Variants in LYRM2 observed in about 807,000 individuals in gnomAD.
The protein encoded by LYRM2 is LYR motif containing 2, also known as LYR motif-containing protein 2.
LYRM2 carries 8 observed loss-of-function variants against 11.6 expected under a neutral mutation model. The ratio of observed to expected loss-of-function variants is 0.69; its 90% CI spans 0.40 to 1.24. The LOEUF (loss-of-function observed/expected upper bound fraction) is 1.24. Among genes scored for constraint, LYRM2 ranks in the 50% most tolerant of loss-of-function variants. The pLI is 0.01. For synonymous variants in LYRM2, 30 were observed against 36.4 expected, an observed-to-expected ratio of 0.83 and a Z score of 0.63; for missense variants, 117 against 102.9, an observed-to-expected ratio of 1.14 and a Z score of -0.59.
rs1807542051 is a variant in LYRM2 at position 89,632,245 on chromosome 6, A to G, written c.*5028T>C. 1 of 152,214 alleles carries G rather than the reference A, an allele frequency of 6.6e-6. No individual in the cohort carries two copies. The highest frequency in any genetic ancestry group is 2.1e-4 in the South Asian group (1 of 4,828). The allele number at this position is 152,214 out of a possible 1,614,324, so 9.4% of individuals were successfully genotyped here. A position where few individuals can be genotyped will look rare whatever the true frequency, so the allele number is the denominator to read the frequency against. On this transcript the variant is annotated 3_prime_UTR_variant, in exon 3 of 3. Transcript: ENST00000523377. ...CTCATTGAGCCAAAGAGAAGAAATG[A>G]TTTATTAACATGGGGACACCAAGAA...
At chr6:89,638,536 CA>C (rs1393822968) in intron 1 of LYRM2, 135 bp downstream of exon 1, 27 of 1,570,114 alleles carry the variant, frequency 1.7e-5, no homozygotes, top group Non-Finnish European at 2.3e-5. Context: ...CACCGCCCCG[CA>C]GGCATCGGGC....
rs551902574 is a variant in LYRM2, at chr6:89,632,406, A to G, written c.*4867T>C. 2.4e-4 allele frequency: 37 copies of G among 152,210 alleles called. No individual in the cohort carries two copies. The highest frequency in any genetic ancestry group is 7.7e-4 in the African/African-American group (32 of 41,530). The allele number at this position is 152,210 out of a possible 1,614,324, so 9.4% of individuals were successfully genotyped here. On this transcript the variant is annotated 3_prime_UTR_variant, in exon 3 of 3. Transcript: ENST00000523377. Reference sequence around the variant, plus strand: ...AGATATATGTCACTGTTACCTGAATATGGAATGAATTTGATGTTTTTTATT... The same window carrying G: ...AGATATATGTCACTGTTACCTGAATGTGGAATGAATTTGATGTTTTTTATT...
Position 89,632,871 on chromosome 6 carries a change from G to A in LYRM2, c.*4402C>T, listed in dbSNP as rs367945777. 7.9e-5 allele frequency: 12 copies of A among 152,196 alleles called. No homozygotes were observed. The highest frequency in any genetic ancestry group is 3.9e-4 in the Admixed American group (6 of 15,284). 9.4% of individuals were successfully genotyped at this position (152,196 alleles called of 1,614,324 possible). The stretch of plus-strand genomic sequence containing the variant: ...ATTCCTCAGTATACATCAATTTATT[G>A]AGAACTGCCTAATACTCAAGAAATT... On this transcript the variant is annotated 3_prime_UTR_variant, in exon 3 of 3. Coordinates refer to ENST00000523377, the MANE Select transcript of LYRM2 (RefSeq NM_020466.5).
chr6:89,638,731 C>T lies in LYRM2; in HGVS notation c.-15G>A, dbSNP rs952951099. 1.9e-6 allele frequency: 3 copies of T among 1,613,858 alleles called. No individual in the cohort carries two copies. The highest frequency in any genetic ancestry group is 2.5e-6 in the Non-Finnish European group (3 of 1,179,914). On this transcript the variant is annotated 5_prime_UTR_variant, in exon 1 of 3. Transcript: ENST00000523377. Reference sequence around the variant, plus strand: ...GAAGCAGCCATGTCCACCAGAGGTCCGCCGGAGCCTCAGCGCGCAGGAGCG... The same window carrying T: ...GAAGCAGCCATGTCCACCAGAGGTCTGCCGGAGCCTCAGCGCGCAGGAGCG...
intron 2 of LYRM2, 117 bp from the exon 3 acceptor site, chr6:89,637,470 G>C: frequency 1.4e-6 from 1 of 712,540 alleles, no homozygotes; most frequent in Non-Finnish European, 2.3e-6. Context: ...CTGCCTTTTA[G>C]AAAAGCTAAA....
chr6:89,638,011 T>A (rs2128295747), intron 1 of LYRM2, 129 bp from the exon 2 acceptor site: 3 of 946,494 alleles, frequency 3.2e-6, no homozygotes, highest in South Asian at 3.9e-5. Flanking sequence ...AAAGAAAAAC[T>A]TTTTTTTTTC....
Position 89,635,108 on chromosome 6 carries a change from C to T in LYRM2, c.*2165G>A, listed in dbSNP as rs1807958934. 6.6e-6 allele frequency: 1 copy of T among 152,236 alleles called. No homozygotes were observed. The highest frequency in any genetic ancestry group is 1.5e-5 in the Non-Finnish European group (1 of 68,048). 9.4% of individuals were successfully genotyped at this position (152,236 alleles called of 1,614,324 possible). ...TTCTTGGAGTCTGTGCTAGTTGAAT[C>T]TTGCAAATGCAAACCACATACGCTC... is the stretch of plus-strand genomic sequence containing the variant. On this transcript the variant is annotated 3_prime_UTR_variant, in exon 3 of 3. Transcript: ENST00000523377.
chr6:89,638,179 A>G (rs931499862), intron 1 of LYRM2: 1 of 739,698 alleles, frequency 1.4e-6, no homozygotes. Context: ...TCTCAAAAAG[A>G]TGTTTTAAAG....
In LYRM2 at chr6:89,637,189, A is replaced by T. The variant is rs1808028599; in HGVS notation, c.*84T>A. On this transcript the variant is annotated 3_prime_UTR_variant, in exon 3 of 3. Coordinates refer to ENST00000523377, the MANE Select transcript of LYRM2 (RefSeq NM_020466.5). ...AAATACTGTACATATAAATAGTAAG[A>T]CTGGGCTTTGTGTTGTCCATTGTTA... The T allele has an allele frequency of 1.4e-6, 1 of 718,738 alleles. No homozygotes were observed. The allele number at this position is 718,738 out of a possible 1,614,324, so 44.5% of individuals were successfully genotyped here.
intron 2 of LYRM2, 81 bp from the exon 3 acceptor site, chr6:89,637,434 A>T (rs1329509391): frequency 1.1e-6 from 1 of 915,752 alleles, no homozygotes; most frequent in African/African-American, 1.7e-5. Flanking sequence ...GTTAAAATCA[A>T]GAACCAATAC....
rs1377369214 is a variant in LYRM2 at position 89,633,539 on chromosome 6, A to C, written c.*3734T>G. On this transcript the variant is annotated 3_prime_UTR_variant, in exon 3 of 3. Coordinates refer to ENST00000523377, the MANE Select transcript of LYRM2 (RefSeq NM_020466.5). ...TTCAACAGCTGTGGGAAAAACTAAA[A>C]CACAGAAATACTGTACAGTATTAGT... The C allele has an allele frequency of 2.6e-5, 4 of 152,228 alleles. No individual in the cohort carries two copies. Among genetic ancestry groups the C allele is most frequent in the South Asian group, 2.1e-4 (1 of 4,830 alleles). The allele number at this position is 152,228 out of a possible 1,614,324, so 9.4% of individuals were successfully genotyped here.
intron 2 of LYRM2, 103 bp downstream of exon 2, chr6:89,637,639 C>G: frequency 2.8e-6 from 3 of 1,080,924 alleles, no homozygotes; most frequent in Non-Finnish European, 4.1e-6. Context: ...GATATACCAG[C>G]TCAGTGGCAC....
In LYRM2 at chr6:89,632,884, T is replaced by TACTC. The variant is rs1286718461; in HGVS notation, c.*4385_*4388dup. 1.3e-5 allele frequency: 2 copies of TACTC among 152,230 alleles called. No homozygotes were observed. Among genetic ancestry groups the TACTC allele is most frequent in the African/African-American group, 4.8e-5 (2 of 41,464 alleles). 9.4% of individuals were successfully genotyped at this position (152,230 alleles called of 1,614,324 possible). On this transcript the variant is annotated 3_prime_UTR_variant, in exon 3 of 3. Transcript: ENST00000523377. The stretch of plus-strand genomic sequence containing the variant: ...CATCAATTTATTGAGAACTGCCTAA[T>TACTC]ACTCAAGAAATTAAATCCTGAGTTC...
Position 89,638,691 on chromosome 6 carries a change from G to A in LYRM2, c.26C>T (p.Ala9Val), listed in dbSNP as rs367681953. The change falls in exon 1 of 3, where the codon GCG becomes GTG. Residue 9 changes from alanine (A) to valine (V), a missense_variant. By Grantham distance (64) the Ala-to-Val change is moderately conservative. Coordinates refer to ENST00000523377, the MANE Select transcript of LYRM2 (RefSeq NM_020466.5). MAASRLPP[A>V]TLTLKQFVRR... ...CGGTACCTGCTTTAACGTTAGCGTC[G>A]CTGGGGGTAAGCGGGAAGCAGCCAT... 1.1e-5 allele frequency: 18 copies of A among 1,613,990 alleles called. No individual in the cohort carries two copies. In the Admixed American group the frequency reaches 1.5e-4, roughly 13 times the overall value.
chr6:89,635,797 CTTTG>C lies in LYRM2; in HGVS notation c.*1472_*1475del, dbSNP rs1050397264. On this transcript the variant is annotated 3_prime_UTR_variant, in exon 3 of 3. Coordinates refer to ENST00000523377, the MANE Select transcript of LYRM2 (RefSeq NM_020466.5). ...GTCTCTGACGTATTCTTCAAATTCT[CTTTG>C]TTTTTTTTCCTGTCATTGGAGAACT... The C allele has an allele frequency of 2.6e-5, 4 of 152,280 alleles. No homozygotes were observed. The highest frequency in any genetic ancestry group is 2.1e-4 in the South Asian group (1 of 4,824). The allele number at this position is 152,280 out of a possible 1,614,324, so 9.4% of individuals were successfully genotyped here. A position where few individuals can be genotyped will look rare whatever the true frequency, so the allele number is the denominator to read the frequency against.
rs1184859625 is a variant in LYRM2, at chr6:89,634,627, C to G, written c.*2646G>C. The G allele has an allele frequency of 1.3e-5, 2 of 152,118 alleles. No individual in the cohort carries two copies. The highest frequency in any genetic ancestry group is 4.8e-5 in the African/African-American group (2 of 41,420). The allele number at this position is 152,118 out of a possible 1,614,324, so 9.4% of individuals were successfully genotyped here. A position where few individuals can be genotyped will look rare whatever the true frequency, so the allele number is the denominator to read the frequency against. On this transcript the variant is annotated 3_prime_UTR_variant, in exon 3 of 3. Coordinates refer to ENST00000523377, the MANE Select transcript of LYRM2 (RefSeq NM_020466.5). ...ATGAAAATCTGAAGCAGGTGGATCT[C>G]TTGAGCCCAGGAGCTCAAGGTTGCA... is the stretch of plus-strand genomic sequence containing the variant.
At chr6:89,637,984 T>C in intron 1 of LYRM2, 102 bp from the exon 2 acceptor site, 1 of 1,232,896 alleles carries the variant, frequency 8.1e-7, no homozygotes, top group South Asian at 1.5e-5. Flanking sequence ...TTCTCGTTGG[T>C]CAATTTTGAA....
At chr6:89,638,012 T>G in intron 1 of LYRM2, 130 bp from the exon 2 acceptor site, 1 of 996,728 alleles carries the variant, frequency 1.0e-6, no homozygotes, top group East Asian at 2.5e-5. Flanking sequence ...AAGAAAAACT[T>G]TTTTTTTTCT....
rs1237884546 is a variant in LYRM2 at position 89,636,620 on chromosome 6, GAC to G, written c.*651_*652del. Reference sequence around the variant, plus strand: ...TGTAATTTCTGTACATCTTCACCAAGACTTATTATTATTTCTCTTTTTAATTA... The same window carrying G: ...TGTAATTTCTGTACATCTTCACCAAGTTATTATTATTTCTCTTTTTAATTA... On this transcript the variant is annotated 3_prime_UTR_variant, in exon 3 of 3. Transcript: ENST00000523377. 6.6e-6 allele frequency: 1 copy of G among 150,870 alleles called. No individual in the cohort carries two copies. Among genetic ancestry groups the G allele is most frequent in the Admixed American group, 6.6e-5 (1 of 15,170 alleles). 9.3% of individuals were successfully genotyped at this position (150,870 alleles called of 1,614,324 possible).
Sources: allele counts gnomAD v4.1 joint callset, GRCh38; gene constraint gnomAD v4.1.1; transcripts MANE v1.5; gene names NCBI Gene and HGNC (gene_info 2026-07-23, HGNC 2026-07-21).